The following CDK11A variants were observed in gnomAD, a reference collection of about 807,000 sequenced individuals.
CDK11A encodes the protein cyclin dependent kinase 11A.
A neutral mutation model predicts 83.6 loss-of-function variants in CDK11A; 55 were observed. The observed-to-expected ratio is 0.66, with a 90% CI of 0.53 to 0.82. The LOEUF (loss-of-function observed/expected upper bound fraction) is 0.82, where lower values mean the gene tolerates loss of function less well. Ranked by LOEUF, CDK11A falls within the 40% of genes least tolerant of loss-of-function variation. The pLI is 0.00. For missense variants in CDK11A, 564 were observed against 810.1 expected, an observed-to-expected ratio of 0.70 and a Z score of 3.69; for synonymous variants, 247 against 302.7, an observed-to-expected ratio of 0.82 and a Z score of 1.91.
chr1:1,703,185 G>C lies in CDK11A; in HGVS notation c.2145C>G (p.Ile715Met). The C allele has an allele frequency of 2.4e-6, 1 of 420,542 alleles. No homozygotes were observed. The highest frequency in any genetic ancestry group is 3.9e-6 in the Non-Finnish European group (1 of 253,266). 26.1% of individuals were successfully genotyped at this position (420,542 alleles called of 1,614,324 possible). The change falls in exon 19 of 20, where the codon ATC becomes ATG. Residue 715 changes from isoleucine (I) to methionine (M), a missense_variant. Physicochemically the swap from Ile to Met is conservative, Grantham distance 10. This residue lies in a region of CDK11A where 361 missense variants were observed against 402.7 expected (regional missense o/e 0.90). Coordinates refer to ENST00000404249, the MANE Select transcript of CDK11A (RefSeq NM_024011.4). ...HEYFRETPLP[I>M]DPSMFPTWPA... ...GCCACGTGGGGAACATGGAGGGGTC[G>C]ATGGGGAGGGGGGTCTCGCGGAAAT...
chr1:1,716,882 A>G (rs1644680242), intron 4 of CDK11A, among the ~76,000 whole-genome samples: 1 of 109,898 alleles, frequency 9.1e-6, no homozygotes, highest in Admixed American at 1.0e-4. Context: ...AATCAAGAAC[A>G]TTAAATATTT....
chr1:1,717,887 T>C (rs1257669941), intron 4 of CDK11A, among the ~76,000 whole-genome samples: 1 of 149,490 alleles, frequency 6.7e-6, no homozygotes, highest in African/African-American at 2.5e-5. Flanking sequence ...CAGCTAGAGT[T>C]TGCTCTCTCT....
intron 4 of CDK11A, among the ~76,000 whole-genome samples, chr1:1,718,085 C>T (rs796466649): frequency 1.4e-4 from 18 of 126,808 alleles, no homozygotes; most frequent in Non-Finnish European, 1.5e-4. Flanking sequence ...GACACACGCA[C>T]GCTTTCAGCT....
chr1:1,702,534 A>G lies in CDK11A; in HGVS notation c.*373T>C, dbSNP rs1336949138. Reference sequence around the variant, plus strand: ...GACGAGTGGGTTGGGGCAAGAGGGCATCGCTCATCCCAACACAGAAACAGG... The same window carrying G: ...GACGAGTGGGTTGGGGCAAGAGGGCGTCGCTCATCCCAACACAGAAACAGG... On this transcript the variant is annotated 3_prime_UTR_variant, in exon 20 of 20. Coordinates refer to ENST00000404249, the MANE Select transcript of CDK11A (RefSeq NM_024011.4). Among the ~76,000 whole-genome samples the G allele has an allele frequency of 1.7e-5, 2 of 114,684 alleles. No individual in the cohort carries two copies. Among genetic ancestry groups the G allele is most frequent in the African/African-American group, 2.9e-5 (1 of 34,086 alleles). 75.2% of individuals were successfully genotyped at this position (114,684 alleles called of 152,430 possible). A position where few individuals can be genotyped will look rare whatever the true frequency, so the allele number is the denominator to read the frequency against.
chr1:1,721,702 G>A lies in CDK11A; in HGVS notation c.121C>T (p.Arg41Trp), dbSNP rs776650584. The change falls in exon 3 of 20, where the codon CGG becomes TGG. Residue 41 changes from arginine to tryptophan, a missense_variant. Arg to Trp is a moderately radical substitution (Grantham distance 101). Coordinates refer to ENST00000404249, the MANE Select transcript of CDK11A (RefSeq NM_024011.4). ...EIKRLKNSDD[R>W]DSKRDSLEEG... The stretch of plus-strand genomic sequence containing the variant: ...TCAAGGGAATCCCGCTTGGAATCCC[G>A]GTCATCAGACTAAGAAGCAAAGAGA... 3.4e-5 allele frequency: 53 copies of A among 1,581,656 alleles called. 3 individuals carry two copies. The highest frequency in any genetic ancestry group is 4.4e-5 in the South Asian group (4 of 90,010).
At position 1,703,613 on chromosome 1, in the gene CDK11A, G is replaced by C. The variant is rs185758913; in HGVS notation, c.1923C>G (p.Thr641=). ...AGCCGGGCCAGATTTTCTCACTGGG[G>C]GTCCCCAGCTCCTGAAAGACAGAGG... ...QINKVFKELG[T]PSEKIWPGYS... Residue 641 remains threonine, a synonymous_variant, in exon 18 of 20, where the codon ACC becomes ACG. Transcript: ENST00000404249. 3.8e-6 allele frequency: 6 copies of C among 1,597,630 alleles called. 1 individual carries two copies. The highest frequency in any genetic ancestry group is 4.3e-6 in the Non-Finnish European group (5 of 1,173,708).
At position 1,719,013 on chromosome 1, in the gene CDK11A, T is replaced by C. The variant is rs1002849032; in HGVS notation, c.355+315A>G. ...ATGCTTTCAGCTAGAGTTTGCTCTCTCTATAGCCCTTCTGAATGGCCTGTG... is the reference window on the plus strand; with the variant it reads ...ATGCTTTCAGCTAGAGTTTGCTCTCCCTATAGCCCTTCTGAATGGCCTGTG... On this transcript the variant is annotated intron_variant, in intron 4 of 19. Transcript: ENST00000404249. 8.6e-5 allele frequency among the ~76,000 whole-genome samples: 13 copies of C among 151,086 alleles called. 1 individual carries two copies. The highest frequency in any genetic ancestry group is 3.2e-4 in the African/African-American group (13 of 41,108).
chr1:1,723,235 TA>T lies in CDK11A; in HGVS notation c.-13-405del, dbSNP rs1164936993. Among the ~76,000 whole-genome samples the T allele has an allele frequency of 8.2e-3, 404 of 49,320 alleles. 53 individuals are homozygous for T. The highest frequency in any genetic ancestry group is 0.042 in the Admixed American group (165 of 3,898). 32.4% of individuals were successfully genotyped at this position (49,320 alleles called of 152,430 possible). A position where few individuals can be genotyped will look rare whatever the true frequency, so the allele number is the denominator to read the frequency against. Reference sequence around the variant, plus strand: ...CCTAGATAACAAAGTAAGACTTGGTTAAAAAAAAAAAAAAAAAAAGGTAAGC... The same window carrying T: ...CCTAGATAACAAAGTAAGACTTGGTTAAAAAAAAAAAAAAAAAAGGTAAGC... On this transcript the variant is annotated intron_variant, in intron 1 of 19. Transcript: ENST00000404249.
At position 1,705,040 on chromosome 1, in the gene CDK11A, C is replaced by T. The variant is rs1360418815; in HGVS notation, c.1337-15G>A. On this transcript the variant is annotated splice_polypyrimidine_tract_variant and intron_variant, in intron 12 of 19. Transcript: ENST00000404249. ...CACAATTTCATCTGTGAAGAAAATACAGACGGCACTGAGAGGCATTCTCAA... is the reference window on the plus strand; with the variant it reads ...CACAATTTCATCTGTGAAGAAAATATAGACGGCACTGAGAGGCATTCTCAA... 2.5e-6 allele frequency: 4 copies of T among 1,590,322 alleles called. No homozygotes were observed. In the African/African-American group the frequency reaches 4.6e-5, roughly 18 times the overall value.
intron 13 of CDK11A, 82 bp from the exon 14 acceptor site, chr1:1,704,737 G>T: frequency 6.2e-7 from 1 of 1,601,094 alleles, no homozygotes; most frequent in Admixed American, 1.7e-5. Context: ...CTGAGGGACA[G>T]TAAGGACCTC....
In CDK11A at chr1:1,704,588, T is replaced by C. The variant is rs200942510; in HGVS notation, c.1526A>G (p.Lys509Arg). The C allele has an allele frequency of 1.5e-4, 243 of 1,603,806 alleles. 9 individuals carry two copies. Among genetic ancestry groups the C allele is most frequent in the Non-Finnish European group, 2.0e-4 (233 of 1,174,514 alleles). ...IVMNYVEHDL[K>R]SLMETMKQPF... The stretch of plus-strand genomic sequence containing the variant: ...CTGTTTCATGGTCTCCATCAGGCTC[T>C]TGAGGTCGTGCTCCACGTAGTTCAT... Residue 509 changes from lysine (K) to arginine (R), a missense_variant, in exon 14 of 20, where the codon AAG (lysine) becomes AGG (arginine). Physicochemically the swap from Lys to Arg is conservative, Grantham distance 26. Transcript: ENST00000404249.
Position 1,702,636 on chromosome 1 carries a change from G to A in CDK11A, c.*271C>T. 5 of 531,626 alleles carry A rather than the reference G, an allele frequency of 9.4e-6. No homozygotes were observed. Among genetic ancestry groups the A allele is most frequent in the South Asian group, 6.3e-5 (3 of 47,976 alleles). 32.9% of individuals were successfully genotyped at this position (531,626 alleles called of 1,614,324 possible). On this transcript the variant is annotated 3_prime_UTR_variant, in exon 20 of 20. Transcript: ENST00000404249. ...CAAATCACGGCCCAGCCAGCCCCGT[G>A]CGTGTCGAGAGTGGGAGAGGGTGTG...
chr1:1,719,582 A>T (rs898156450), intron 3 of CDK11A, 127 bp from the exon 4 acceptor site: 5 of 678,368 alleles, frequency 7.4e-6, no homozygotes, highest in East Asian at 3.3e-5. Flanking sequence ...AACATCATTT[A>T]AAAAATTACA....
At chr1:1,721,881 T>C in intron 2 of CDK11A, 170 bp from the exon 3 acceptor site, 2 of 812,326 alleles carry the variant, frequency 2.5e-6, no homozygotes, top group South Asian at 1.9e-5. Context: ...CCAGGTGCAG[T>C]GGCTCACGCT....
At position 1,716,341 on chromosome 1, in the gene CDK11A, C is replaced by G; in HGVS notation, c.488+5G>C. On this transcript the variant is annotated splice_donor_5th_base_variant and intron_variant, in intron 5 of 19. Coordinates refer to ENST00000404249, the MANE Select transcript of CDK11A (RefSeq NM_024011.4). ...TAAAGTCCTCAACTGACCCAGCCCA[C>G]TCACCTTTCTCTCCTGGAATGCTCC... 3 of 1,608,614 alleles carry G rather than the reference C, an allele frequency of 1.9e-6. 1 individual carries two copies. Among genetic ancestry groups the G allele is most frequent in the Non-Finnish European group, 2.6e-6 (3 of 1,176,436 alleles).
Position 1,708,202 on chromosome 1 carries a change from T to G in CDK11A, c.1047A>C (p.Glu349Asp). The G allele has an allele frequency of 6.4e-7, 1 of 1,559,508 alleles. No homozygotes were observed. The highest frequency in any genetic ancestry group is 8.8e-7 in the Non-Finnish European group (1 of 1,140,894). The part of the protein sequence containing the change: ...EEEMSEDEER[E>D]NENHLLVVPE... The stretch of plus-strand genomic sequence containing the variant: ...TACCAACCAAGAGGTGGTTTTCATT[T>G]TCTCGTTCTTCATCTTCACTCATTT... Residue 349 changes from glutamate (E) to aspartate (D), a missense_variant, in exon 10 of 20, where the codon GAA becomes GAC. Physicochemically the swap from Glu to Asp is conservative, Grantham distance 45. Coordinates refer to ENST00000404249, the MANE Select transcript of CDK11A (RefSeq NM_024011.4).
intron 3 of CDK11A, among the ~76,000 whole-genome samples, chr1:1,720,256 G>A (rs1167922569): frequency 2.0e-5 from 3 of 149,500 alleles, no homozygotes; most frequent in African/African-American, 7.4e-5. Flanking sequence ...CACCACGCCC[G>A]GCTAATTTTT....
intron 4 of CDK11A, among the ~76,000 whole-genome samples, chr1:1,717,172 G>A (rs923613051): frequency 2.0e-5 from 3 of 150,968 alleles, no homozygotes; most frequent in East Asian, 1.9e-4. Context: ...TCACAGAAGA[G>A]AATTGTAATA....
intron 1 of CDK11A, 98 bp from the exon 2 acceptor site, chr1:1,722,929 C>T: frequency 2.1e-6 from 1 of 470,276 alleles, no homozygotes; most frequent in Non-Finnish European, 3.5e-6. Flanking sequence ...AGAATAAATC[C>T]TCATTAAGAA....
Sources: gnomAD v4.1 joint callset for allele counts (sites outside exome capture counted in the v4.1 genomes callset) on GRCh38, gnomAD v4.1.1 for gene constraint, gnomAD v4.1.1 regional missense constraint, MANE v1.5 for transcripts, NCBI Gene and HGNC (gene_info 2026-07-23, HGNC 2026-07-21) for gene names.